STARD13: variants seen among roughly 807,000 people sequenced by gnomAD.
STARD13 encodes the protein StAR related lipid transfer domain containing 13.
In STARD13, 62 loss-of-function variants were observed where a neutral mutation model predicts 106.4. The observed-to-expected ratio is 0.58, with a 90% CI of 0.48 to 0.72. The LOEUF is 0.72. Among genes scored for constraint, STARD13 ranks in the 30% least tolerant of loss-of-function variants. The probability of loss-of-function intolerance (pLI) is 0.00; values close to 1 mark genes in which losing one functional copy is unlikely to be tolerated. For missense variants in STARD13, 1,387 were observed against 1,424.0 expected, an observed-to-expected ratio of 0.97 and a Z score of 0.42; for synonymous variants, 565 against 553.0, an observed-to-expected ratio of 1.02 and a Z score of -0.31.
intron 1 of STARD13, 62 bp from the exon 2 acceptor site, chr13:33,167,684 C>A (rs1883489281): frequency 3.3e-6 from 5 of 1,509,516 alleles, no homozygotes; most frequent in Non-Finnish European, 4.6e-6. Flanking sequence ...ACTCTGCCTT[C>A]TTAATCATGG....
intron 1 of STARD13, among the ~76,000 whole-genome samples, chr13:33,216,246 G>A (rs1250754477): frequency 1.3e-5 from 2 of 152,126 alleles, no homozygotes; most frequent in Non-Finnish European, 2.9e-5. Flanking sequence ...GTCATTATAC[G>A]AAAAAGATAC....
intron 1 of STARD13, among the ~76,000 whole-genome samples, chr13:33,208,302 T>C (rs921461733): frequency 6.6e-6 from 1 of 151,560 alleles, no homozygotes; most frequent in African/African-American, 2.4e-5. Flanking sequence ...AGCATGAGGG[T>C]ACACAGGCAG....
At chr13:33,256,640 T>C (rs956319887) in intron 1 of STARD13, among the ~76,000 whole-genome samples, 5 of 152,242 alleles carry the variant, frequency 3.3e-5, no homozygotes, top group South Asian at 4.1e-4. Context: ...TCTGAATGAA[T>C]ACTGCTTTGC....
chr13:33,665,191 TA>T, the STARD13 span, among the ~76,000 whole-genome samples: 1 of 152,308 alleles, frequency 6.6e-6, no homozygotes. Flanking sequence ...ATGTTTTACC[TA>T]ATGCTCCCTT....
chr13:33,380,269 G>A, the STARD13 span, among the ~76,000 whole-genome samples: 5 of 151,936 alleles, frequency 3.3e-5, no homozygotes, highest in Non-Finnish European at 7.4e-5. Flanking sequence ...ACAAAAATTA[G>A]CCAGGCATGG....
chr13:33,528,988 T>C, the STARD13 span, among the ~76,000 whole-genome samples: 3 of 152,180 alleles, frequency 2.0e-5, no homozygotes, highest in African/African-American at 4.8e-5. Flanking sequence ...GGGATACTAA[T>C]TATATTTATT....
chr13:33,642,185 C>T, the STARD13 span, among the ~76,000 whole-genome samples: 1 of 152,028 alleles, frequency 6.6e-6, no homozygotes, highest in East Asian at 1.9e-4. Context: ...CTGACGTTTA[C>T]CTAGGAGAAA....
intron 1 of STARD13, among the ~76,000 whole-genome samples, chr13:33,236,794 G>A (rs1449048883): frequency 6.6e-6 from 1 of 152,166 alleles, no homozygotes; most frequent in Non-Finnish European, 1.5e-5. Context: ...GCTCACAATA[G>A]CTACTCAATA....
At chr13:33,315,214 T>G (rs1021307417) in intron 1 of STARD13, among the ~76,000 whole-genome samples, 4 of 152,170 alleles carry the variant, frequency 2.6e-5, no homozygotes, top group Non-Finnish European at 4.4e-5. Context: ...AAATGTGAAG[T>G]AAAAACTATA....
chr13:33,498,125 T>A, the STARD13 span, among the ~76,000 whole-genome samples: 1 of 152,094 alleles, frequency 6.6e-6, no homozygotes, highest in Non-Finnish European at 1.5e-5. Flanking sequence ...TAAATTGAAG[T>A]TTTAAAAGCA....
the STARD13 span, among the ~76,000 whole-genome samples, chr13:33,631,909 C>A: frequency 6.6e-6 from 1 of 152,094 alleles, no homozygotes; most frequent in African/African-American, 2.4e-5. Flanking sequence ...TTCATGGTAA[C>A]ACACTTCCAC....
the STARD13 span, among the ~76,000 whole-genome samples, chr13:33,587,611 C>T: frequency 6.6e-6 from 1 of 152,160 alleles, no homozygotes; most frequent in Admixed American, 6.5e-5. Context: ...CTTTAATGTG[C>T]ATGGGAATCA....
chr13:33,202,017 C>T (rs1158161127), intron 1 of STARD13, among the ~76,000 whole-genome samples: 2 of 152,142 alleles, frequency 1.3e-5, no homozygotes, highest in African/African-American at 4.8e-5. Context: ...GCTTTGTCTA[C>T]ATTTTTATGA....
intron 1 of STARD13, among the ~76,000 whole-genome samples, chr13:33,224,669 T>A (rs748394091): frequency 6.6e-6 from 1 of 152,184 alleles, no homozygotes; most frequent in Non-Finnish European, 1.5e-5. Context: ...GGAAATATAA[T>A]CTCACCACAT....
chr13:33,524,732 A>T, the STARD13 span, among the ~76,000 whole-genome samples: 6 of 152,230 alleles, frequency 3.9e-5, no homozygotes, highest in East Asian at 1.9e-4. Context: ...TTAATTGACA[A>T]ATTAAAATTG....
chr13:33,340,198 C>A (rs1242226548), intron 1 of STARD13, among the ~76,000 whole-genome samples: 1 of 152,078 alleles, frequency 6.6e-6, no homozygotes, highest in African/African-American at 2.4e-5. Flanking sequence ...ATATTTATTT[C>A]CAATGGAAAA....
chr13:33,210,502 T>C (rs1238141262), intron 1 of STARD13, among the ~76,000 whole-genome samples: 1 of 152,214 alleles, frequency 6.6e-6, no homozygotes, highest in Non-Finnish European at 1.5e-5. Context: ...CTTAGGGTTG[T>C]TGCACAGATT....
chr13:33,214,699 T>TACACACACAC (rs55996131), intron 1 of STARD13, among the ~76,000 whole-genome samples: 58 of 144,142 alleles, frequency 4.0e-4, no homozygotes, highest in African/African-American at 1.3e-3. Context: ...CATGCACACA[T>TACACACACAC]ACACACACAC....
chr13:33,322,311 C>A (rs538014008), intron 1 of STARD13, among the ~76,000 whole-genome samples: 6 of 152,294 alleles, frequency 3.9e-5, no homozygotes, highest in Non-Finnish European at 8.8e-5. Flanking sequence ...CTAACATGAG[C>A]CTTCCAAACA....
Sources: gnomAD v4.1 joint callset for allele counts (sites outside exome capture counted in the v4.1 genomes callset) on GRCh38, gnomAD v4.1.1 for gene constraint, MANE v1.5 for transcripts, NCBI Gene and HGNC (gene_info 2026-07-23, HGNC 2026-07-21) for gene names.